Variants in MAPK10 observed in about 807,000 individuals in gnomAD.
The protein encoded by MAPK10 is JNK3 alpha protein kinase.
A neutral mutation model predicts 59.3 loss-of-function variants in MAPK10; 25 were observed. The ratio of observed to expected loss-of-function variants is 0.42; its 90% CI spans 0.31 to 0.59. The LOEUF is 0.59. Among genes scored for constraint, MAPK10 ranks in the 20% least tolerant of loss-of-function variants. MAPK10 has a pLI of 0.15. For synonymous variants in MAPK10, 190 were observed against 200.5 expected (o/e 0.95, Z 0.44); for missense variants, 351 against 568.9 (o/e 0.62, Z 3.90).
intron 9 of MAPK10, among the ~76,000 whole-genome samples, chr4:86,069,384 C>G (rs969486986): frequency 1.3e-4 from 20 of 151,912 alleles, no homozygotes; most frequent in African/African-American, 4.8e-4. Flanking sequence ...CAATAATATT[C>G]CTTAATAAAG....
At chr4:86,400,235 C>T (rs975689025) in intron 1 of MAPK10, among the ~76,000 whole-genome samples, 1 of 152,114 alleles carries the variant, frequency 6.6e-6, no homozygotes, top group African/African-American at 2.4e-5. Context: ...ACATTACATG[C>T]TGATTATTTT....
At chr4:86,380,387 A>G (rs1332572923) in intron 1 of MAPK10, among the ~76,000 whole-genome samples, 1 of 152,112 alleles carries the variant, frequency 6.6e-6, no homozygotes, top group Non-Finnish European at 1.5e-5. Context: ...CAGTTTCACA[A>G]TTATTTGTTG....
In MAPK10 at chr4:86,017,148, T is replaced by TGG. The variant is rs1743635222; in HGVS notation, c.*79_*80insCC. Reference sequence around the variant, plus strand: ...TTGATGTTGTGTGTCTGCATTTGTGTGTGTGTGTGTGTCTGCGTGTGTGTG... The same window carrying TGG: ...TTGATGTTGTGTGTCTGCATTTGTGTGGGTGTGTGTGTGTCTGCGTGTGTGTG... On this transcript the variant is annotated 3_prime_UTR_variant, in exon 14 of 14. Coordinates refer to ENST00000641462, the MANE Select transcript of MAPK10 (RefSeq NM_138982.4). This position sits in a 1 kb window ranked among gnomAD's most constrained non-coding sequence, Gnocchi z 4.4. The TGG allele has an allele frequency of 6.3e-6, 9 of 1,420,944 alleles. No individual in the cohort carries two copies. The highest frequency in any genetic ancestry group is 2.5e-4 in the Middle Eastern group (1 of 3,932). 88.0% of individuals were successfully genotyped at this position (1,420,944 alleles called of 1,614,324 possible). A position where few individuals can be genotyped will look rare whatever the true frequency, so the allele number is the denominator to read the frequency against.
chr4:86,515,896 G>GT (rs1756624762), intron 1 of MAPK10, among the ~76,000 whole-genome samples: 1 of 147,312 alleles, frequency 6.8e-6, no homozygotes, highest in African/African-American at 2.5e-5. Context: ...TTTTTTTTTT[G>GT]TTTTGTTTTT....
intron 9 of MAPK10, chr4:86,089,214 C>T (rs776029509): frequency 3.1e-6 from 5 of 1,611,640 alleles, no homozygotes; most frequent in Non-Finnish European, 4.2e-6. Flanking sequence ...ACGATCAGTG[C>T]CAGGAAACAG....
At chr4:86,511,539 C>T (rs1232023631) in intron 1 of MAPK10, among the ~76,000 whole-genome samples, 2 of 151,886 alleles carry the variant, frequency 1.3e-5, no homozygotes, top group Admixed American at 6.6e-5. Flanking sequence ...TGCTCTCCAG[C>T]CTGGGCGATA....
chr4:86,584,047 G>C (rs927341581), intron 1 of MAPK10, among the ~76,000 whole-genome samples: 1 of 152,192 alleles, frequency 6.6e-6, no homozygotes, highest in Non-Finnish European at 1.5e-5. Flanking sequence ...GTATGTCTGT[G>C]TGTGTGCATG....
intron 10 of MAPK10, among the ~76,000 whole-genome samples, chr4:86,066,860 T>C (rs2046851399): frequency 6.6e-6 from 1 of 151,832 alleles, no homozygotes; most frequent in Non-Finnish European, 1.5e-5. Flanking sequence ...GAAACAATAC[T>C]ATTTTTAGGA....
intron 2 of MAPK10, chr4:86,300,829 T>C (rs1366279285): frequency 6.6e-6 from 1 of 151,236 alleles, no homozygotes; most frequent in Non-Finnish European, 1.5e-5. Flanking sequence ...AGTCTGTCTC[T>C]CTCTCTCTCT....
At chr4:86,306,964 T>C (rs1396849968) in intron 2 of MAPK10, among the ~76,000 whole-genome samples, 6 of 152,166 alleles carry the variant, frequency 3.9e-5, no homozygotes, top group East Asian at 1.9e-4. Flanking sequence ...GAGTCTATAA[T>C]TCAAGCACGG....
chr4:86,098,202 G>A (rs1321814200), intron 9 of MAPK10, among the ~76,000 whole-genome samples: 1 of 152,098 alleles, frequency 6.6e-6, no homozygotes, highest in Non-Finnish European at 1.5e-5. Flanking sequence ...GACTTATTTT[G>A]CTAGTTATAA....
intron 2 of MAPK10, among the ~76,000 whole-genome samples, chr4:86,350,493 C>T (rs1194556788): frequency 2.0e-5 from 3 of 152,026 alleles, no homozygotes; most frequent in South Asian, 4.2e-4. Flanking sequence ...GGATTACAGG[C>T]GTGAGCCACC....
chr4:86,039,165 C>T (rs2040957602), intron 11 of MAPK10, among the ~76,000 whole-genome samples: 1 of 152,122 alleles, frequency 6.6e-6, no homozygotes, highest in Non-Finnish European at 1.5e-5. Context: ...CTCACAGAAA[C>T]ATCAATTTGA....
intron 5 of MAPK10, among the ~76,000 whole-genome samples, chr4:86,103,863 G>T (rs951924713): frequency 6.6e-6 from 1 of 151,596 alleles, no homozygotes; most frequent in Non-Finnish European, 1.5e-5. Context: ...TTATATATCA[G>T]CTAGTAAAAA....
At chr4:86,517,829 T>C (rs1756809571) in intron 1 of MAPK10, among the ~76,000 whole-genome samples, 1 of 152,186 alleles carries the variant, frequency 6.6e-6, no homozygotes, top group Admixed American at 6.5e-5. Context: ...AACTTTATCT[T>C]TTGGAATAGT....
rs753508493 is a variant in MAPK10 at position 86,550,374 on chromosome 4, TAAAAAAAAAAAAAAAA to T, written c.-263+43520_-263+43535del. Among the ~76,000 whole-genome samples the T allele has an allele frequency of 1.8e-3, 141 of 77,392 alleles. 2 individuals carry two copies. The highest frequency in any genetic ancestry group is 5.2e-3 in the South Asian group (10 of 1,916). 50.8% of individuals were successfully genotyped at this position (77,392 alleles called of 152,430 possible). On this transcript the variant is annotated intron_variant, in intron 1 of 4. Coordinates refer to the MAPK10 transcript ENST00000502302. ...CAGAAGGGCTAAGCAGAGCTTCAGT[TAAAAAAAAAAAAAAAA>T]AAAAAAAAAAAAAAAAAAAAACTCC...
chr4:86,083,729 G>A (rs1225214742), intron 9 of MAPK10, among the ~76,000 whole-genome samples: 1 of 152,130 alleles, frequency 6.6e-6, no homozygotes, highest in Non-Finnish European at 1.5e-5. Context: ...GGCAGCTAAG[G>A]GGGTGCTGGC....
At chr4:86,321,276 A>ACAT (rs2095884049) in intron 2 of MAPK10, among the ~76,000 whole-genome samples, 1 of 152,020 alleles carries the variant, frequency 6.6e-6, no homozygotes, top group Admixed American at 6.6e-5. Context: ...CTATAAAGAC[A>ACAT]CATGCACACA....
chr4:86,021,597 T>A (rs1746924427), intron 13 of MAPK10, among the ~76,000 whole-genome samples: 1 of 152,248 alleles, frequency 6.6e-6, no homozygotes, highest in African/African-American at 2.4e-5. Context: ...AGTCCTGCGC[T>A]GTGCGCTCGC....
Sources: allele counts gnomAD v4.1 joint callset (sites outside exome capture counted in the v4.1 genomes callset), GRCh38; gene constraint gnomAD v4.1.1; non-coding constraint Gnocchi (gnomAD v3.1); transcripts MANE v1.5; gene names NCBI Gene and HGNC (gene_info 2026-07-23, HGNC 2026-07-21).